Variants in LOC128462377 observed in about 807,000 individuals in gnomAD.
At chr16:89,338,374 G>T in the LOC128462377 span, among the ~76,000 whole-genome samples, 1 of 150,214 alleles carries the variant, frequency 6.7e-6, no homozygotes, top group Non-Finnish European at 1.5e-5. Flanking sequence ...ATTGAAACAT[G>T]GGTTTGAAAA....
the LOC128462377 span, among the ~76,000 whole-genome samples, chr16:89,349,311 T>C: frequency 6.6e-6 from 1 of 151,780 alleles, no homozygotes; most frequent in African/African-American, 2.4e-5. Context: ...AAACCCCATC[T>C]CTACTCAAAA....
chr16:89,320,258 G>A, the LOC128462377 span: 6 of 152,240 alleles, frequency 3.9e-5, no homozygotes, highest in Non-Finnish European at 4.4e-5. Flanking sequence ...CACAACAGAA[G>A]GCACCGGGTC....
At chr16:89,386,885 G>T in the LOC128462377 span, among the ~76,000 whole-genome samples, 4 of 152,148 alleles carry the variant, frequency 2.6e-5, no homozygotes, top group African/African-American at 9.6e-5. Flanking sequence ...CCTGAGAAGT[G>T]TGCCAGCAAG....
the LOC128462377 span, among the ~76,000 whole-genome samples, chr16:89,377,610 G>A: frequency 1.8e-3 from 271 of 152,298 alleles, no homozygotes; most frequent in Middle Eastern, 0.01. Flanking sequence ...AGGTGACGAG[G>A]AGGAGGTAGC....
At chr16:89,387,260 G>A in the LOC128462377 span, among the ~76,000 whole-genome samples, 2 of 152,032 alleles carry the variant, frequency 1.3e-5, no homozygotes, top group African/African-American at 2.4e-5. Context: ...TCAAGGGAGA[G>A]GCCTGAATGG....
At chr16:89,320,850 G>A in the LOC128462377 span, among the ~76,000 whole-genome samples, 1 of 152,360 alleles carries the variant, frequency 6.6e-6, no homozygotes, top group African/African-American at 2.4e-5. Flanking sequence ...CACTGCGAGA[G>A]CCCCTGCAGC....
chr16:89,323,171 G>A, the LOC128462377 span: 21 of 489,156 alleles, frequency 4.3e-5, no homozygotes, highest in Middle Eastern at 3.8e-4. Flanking sequence ...GTCAGGAGTG[G>A]TGCCTTGTGC....
the LOC128462377 span, among the ~76,000 whole-genome samples, chr16:89,379,711 G>A: frequency 5.9e-5 from 9 of 152,364 alleles, no homozygotes; most frequent in African/African-American, 2.2e-4. Flanking sequence ...GCTCCGTGCA[G>A]TGCACGGATT....
At chr16:89,319,247 C>A in the LOC128462377 span, among the ~76,000 whole-genome samples, 1 of 152,280 alleles carries the variant, frequency 6.6e-6, no homozygotes, top group African/African-American at 2.4e-5. Context: ...GGTGTCTGGG[C>A]CCCGACAGTG....
At chr16:89,401,914 C>A in the LOC128462377 span, among the ~76,000 whole-genome samples, 17 of 151,654 alleles carry the variant, frequency 1.1e-4, no homozygotes, top group Non-Finnish European at 2.2e-4. Flanking sequence ...TCCCCCAGAA[C>A]CTGGAGAGAG....
the LOC128462377 span, among the ~76,000 whole-genome samples, chr16:89,327,529 A>G: frequency 1.3e-5 from 2 of 152,176 alleles, no homozygotes; most frequent in Non-Finnish European, 2.9e-5. Flanking sequence ...GCAAGGACAC[A>G]GAATCCAAGA....
chr16:89,331,822 G>A, the LOC128462377 span, among the ~76,000 whole-genome samples: 6 of 152,110 alleles, frequency 3.9e-5, no homozygotes, highest in Admixed American at 1.3e-4. Context: ...TCTAAGATAC[G>A]GTGATGGTTT....
chr16:89,349,907 CACACATAT>C, the LOC128462377 span, among the ~76,000 whole-genome samples: 3 of 123,588 alleles, frequency 2.4e-5, no homozygotes, highest in Non-Finnish European at 1.7e-5. Flanking sequence ...CACACACACA[CACACATAT>C]TCAAACAACA....
At chr16:89,411,547 A>G in the LOC128462377 span, among the ~76,000 whole-genome samples, 26 of 152,162 alleles carry the variant, frequency 1.7e-4, no homozygotes, top group African/African-American at 6.3e-4. Flanking sequence ...CTGAGTAACC[A>G]TGACGACAGG....
chr16:89,322,640 A>G, the LOC128462377 span, among the ~76,000 whole-genome samples: 3 of 152,174 alleles, frequency 2.0e-5, no homozygotes, highest in African/African-American at 4.8e-5. Context: ...GACAGGATCA[A>G]ACACCAAAGG....
the LOC128462377 span, among the ~76,000 whole-genome samples, chr16:89,321,911 C>T: frequency 5.9e-5 from 9 of 152,254 alleles, no homozygotes; most frequent in South Asian, 2.1e-4. Context: ...ACCCGGAGGA[C>T]GAAAGCCATT....
chr16:89,343,356 T>C, the LOC128462377 span, among the ~76,000 whole-genome samples: 1 of 152,252 alleles, frequency 6.6e-6, no homozygotes, highest in Non-Finnish European at 1.5e-5. Context: ...CATTTAGTTA[T>C]AAGCTCCAAC....
chr16:89,377,730 G>A, the LOC128462377 span, among the ~76,000 whole-genome samples: 1 of 152,094 alleles, frequency 6.6e-6, no homozygotes, highest in African/African-American at 2.4e-5. Context: ...TCTGTGACAT[G>A]GGCACTGAAA....
At chr16:89,409,829 A>AATTTATTTATTTATTT in the LOC128462377 span, among the ~76,000 whole-genome samples, 36 of 151,500 alleles carry the variant, frequency 2.4e-4, no homozygotes, top group African/African-American at 8.8e-4. Flanking sequence ...TTTCAATCTA[A>AATTTATTTATTTATTT]ATTTATTTAT....
Sources: gnomAD v4.1 joint callset for allele counts (sites outside exome capture counted in the v4.1 genomes callset) on GRCh38, gnomAD v4.1.1 for gene constraint, MANE v1.5 for transcripts.